The following CFAP54 variants were observed in gnomAD, a reference collection of about 807,000 sequenced individuals.
CFAP54 encodes the protein cilia and flagella associated protein 54.
In CFAP54, 290 loss-of-function variants were observed where a neutral mutation model predicts 370.4. That is an observed-to-expected ratio of 0.78 (90% CI 0.71 to 0.86). CFAP54 has a LOEUF of 0.86. Among genes scored for constraint, CFAP54 ranks in the 40% least tolerant of loss-of-function variants. The probability of loss-of-function intolerance (pLI) is 0.00; values close to 1 mark genes in which losing one functional copy is unlikely to be tolerated. For missense variants in CFAP54, 3,399 were observed against 3,528.7 expected (o/e 0.96, Z 0.93); for synonymous variants, 1,206 against 1,236.5 (o/e 0.98, Z 0.52).
chr12:96,634,116 C>T (rs1293026049), intron 32 of CFAP54, among the ~76,000 whole-genome samples: 1 of 118,056 alleles, frequency 8.5e-6, no homozygotes, highest in Non-Finnish European at 1.6e-5. Context: ...AGTGCAGTGG[C>T]GTGATCTTGG....
chr12:96,706,373 C>T (rs561789207), intron 47 of CFAP54, among the ~76,000 whole-genome samples: 9 of 151,982 alleles, frequency 5.9e-5, no homozygotes, highest in African/African-American at 2.2e-4. Flanking sequence ...TGTAAATAGA[C>T]CTGAAACAGC....
chr12:96,739,877 GA>G (rs1445506325), intron 50 of CFAP54, 78 bp from the exon 51 acceptor site: 2 of 886,536 alleles, frequency 2.3e-6, no homozygotes, highest in Non-Finnish European at 1.7e-6. Context: ...ATGTTTTTTG[GA>G]GAAAGTGATT....
intron 50 of CFAP54, among the ~76,000 whole-genome samples, chr12:96,731,018 G>A (rs1016407468): frequency 6.6e-6 from 1 of 152,144 alleles, no homozygotes; most frequent in East Asian, 1.9e-4. Context: ...CTGGGCATGG[G>A]GGTGTACATG....
intron 1 of CFAP54, among the ~76,000 whole-genome samples, chr12:96,499,912 C>T (rs1955005707): frequency 1.4e-5 from 2 of 147,352 alleles, no homozygotes; most frequent in African/African-American, 2.7e-5. Context: ...TGCCACTGCA[C>T]TCCAGCCTGT....
intron 60 of CFAP54, among the ~76,000 whole-genome samples, chr12:96,777,349 CTTTT>C: frequency 7.0e-6 from 1 of 143,534 alleles, no homozygotes; most frequent in Non-Finnish European, 1.5e-5. Flanking sequence ...CAAGGATATT[CTTTT>C]TTTTTTTTTT....
chr12:96,678,652 T>G (rs1957238054), intron 39 of CFAP54, among the ~76,000 whole-genome samples: 1 of 152,192 alleles, frequency 6.6e-6, no homozygotes, highest in Non-Finnish European at 1.5e-5. Context: ...CTATCTTCTC[T>G]TCCACAAGGT....
chr12:96,574,124 T>C lies in CFAP54; in HGVS notation c.2620-2461T>C, dbSNP rs1486255016. Among the ~76,000 whole-genome samples, 4 of 152,344 alleles carry C rather than the reference T, an allele frequency of 2.6e-5. No individual in the cohort carries two copies. The South Asian group carries it at 8.3e-4, about 32-fold the overall frequency. ...TATGATGTTATAGTTTTATAATCTC[T>C]GCTCCTACAGGGAGCTGGTTTCCTC... is the stretch of plus-strand genomic sequence containing the variant. On this transcript the variant is annotated intron_variant, in intron 19 of 67. Transcript: ENST00000524981.
intron 1 of CFAP54, among the ~76,000 whole-genome samples, chr12:96,493,628 C>CTTT (rs928966623): frequency 6.6e-6 from 1 of 152,176 alleles, no homozygotes; most frequent in Non-Finnish European, 1.5e-5. Flanking sequence ...GAAACCCTGT[C>CTTT]TCTACTAAAA....
intron 26 of CFAP54, among the ~76,000 whole-genome samples, chr12:96,616,791 T>G (rs1361113687): frequency 6.6e-6 from 1 of 152,218 alleles, no homozygotes; most frequent in Non-Finnish European, 1.5e-5. Flanking sequence ...TACCAGGTGA[T>G]AAATGGCCAT....
intron 50 of CFAP54, among the ~76,000 whole-genome samples, chr12:96,722,475 G>A (rs1957769017): frequency 2.0e-5 from 3 of 152,200 alleles, no homozygotes; most frequent in Admixed American, 2.0e-4. Flanking sequence ...TGGCTGGGGT[G>A]GAGTGAGTGA....
intron 62 of CFAP54, among the ~76,000 whole-genome samples, chr12:96,788,818 T>C (rs961852324): frequency 1.3e-5 from 2 of 152,194 alleles, no homozygotes; most frequent in South Asian, 2.1e-4. Flanking sequence ...GTTGGTGTTA[T>C]GCAGTGGCCC....
intron 55 of CFAP54, among the ~76,000 whole-genome samples, chr12:96,748,032 G>C (rs1592740025): frequency 1.3e-5 from 2 of 151,810 alleles, no homozygotes; most frequent in East Asian, 3.9e-4. Context: ...CAGATATGTG[G>C]TTCCCTACTG....
At chr12:96,497,646 C>T (rs1954971092) in intron 1 of CFAP54, among the ~76,000 whole-genome samples, 1 of 152,190 alleles carries the variant, frequency 6.6e-6, no homozygotes, top group Non-Finnish European at 1.5e-5. Flanking sequence ...CCTGCAAAGA[C>T]AAGCACCTAC....
rs1213693250 is a variant in CFAP54 at position 96,578,074 on chromosome 12, A to T, written c.2796+1313A>T. 2.0e-5 allele frequency among the ~76,000 whole-genome samples: 3 copies of T among 152,186 alleles called. No individual in the cohort carries two copies. In the East Asian group the frequency reaches 5.8e-4, roughly 29 times the overall value. On this transcript the variant is annotated intron_variant, in intron 20 of 67. Coordinates refer to ENST00000524981, the MANE Select transcript of CFAP54 (RefSeq NM_001306084.2). ...GAAATACTATCTAAAAAAACAAAAA[A>T]TAATGAAATGATAGACTGTGATTAC...
chr12:96,715,379 G>C (rs956827025), intron 48 of CFAP54, among the ~76,000 whole-genome samples: 6 of 152,142 alleles, frequency 3.9e-5, no homozygotes, highest in African/African-American at 1.4e-4. Context: ...GTGACATAAA[G>C]GAGAGATAGG....
chr12:96,698,118 A>G (rs1230047875), intron 45 of CFAP54, among the ~76,000 whole-genome samples: 1 of 152,160 alleles, frequency 6.6e-6, no homozygotes, highest in Non-Finnish European at 1.5e-5. Context: ...TGTTGTGTAT[A>G]TCTTCATGTG....
intron 60 of CFAP54, among the ~76,000 whole-genome samples, chr12:96,779,983 G>T (rs144197654): frequency 4.3e-4 from 65 of 152,142 alleles, no homozygotes; most frequent in African/African-American, 1.2e-3. Context: ...CTTTTGCATA[G>T]TTTTTGGGGG....
rs571490753 is a variant in CFAP54 at position 96,763,209 on chromosome 12, T to C, written c.8041-942T>C. On this transcript the variant is annotated intron_variant, in intron 58 of 67. Transcript: ENST00000524981. ...TTCTGTTCACTTCTGTAGCATTGAC[T>C]TTCTATGTTTAAAAACTGAATATAT... is the stretch of plus-strand genomic sequence containing the variant. Among the ~76,000 whole-genome samples the C allele has an allele frequency of 3.3e-5, 5 of 152,240 alleles. No homozygotes were observed. The South Asian group carries it at 8.3e-4, about 25-fold the overall frequency.
intron 66 of CFAP54, among the ~76,000 whole-genome samples, chr12:96,848,707 A>G (rs572763549): frequency 4.6e-5 from 7 of 152,356 alleles, no homozygotes; most frequent in African/African-American, 1.7e-4. Context: ...AAGAAAGAAA[A>G]AAAAAGATTT....
Sources: allele counts gnomAD v4.1 joint callset (sites outside exome capture counted in the v4.1 genomes callset), GRCh38; gene constraint gnomAD v4.1.1; transcripts MANE v1.5; gene names NCBI Gene and HGNC (gene_info 2026-07-23, HGNC 2026-07-21).